TBC1D8: variants seen among roughly 807,000 people sequenced by gnomAD.
TBC1D8 encodes TBC1 domain family member 8.
Under a neutral mutation model 118.8 loss-of-function variants are expected in TBC1D8, and 65 were observed. The observed-to-expected ratio is 0.55, with a 90% confidence interval of 0.45 to 0.67. The LOEUF is 0.67. Ranked by LOEUF, TBC1D8 falls within the 30% of genes least tolerant of loss-of-function variation. The probability of loss-of-function intolerance (pLI) is 0.00; values close to 1 mark genes in which losing one functional copy is unlikely to be tolerated. For missense variants in TBC1D8, 1,376 were observed against 1,471.2 expected, an observed-to-expected ratio of 0.94 and a Z score of 1.06; for synonymous variants, 566 against 595.8, an observed-to-expected ratio of 0.95 and a Z score of 0.73.
intron 1 of TBC1D8, among the ~76,000 whole-genome samples, chr2:101,133,365 G>C (rs770538137): frequency 6.6e-6 from 1 of 152,066 alleles, no homozygotes; most frequent in African/African-American, 2.4e-5. Context: ...GTCTCTCTCT[G>C]AGATATTCGC....
At chr2:101,142,242 C>T (rs1679136259) in intron 1 of TBC1D8, among the ~76,000 whole-genome samples, 1 of 152,182 alleles carries the variant, frequency 6.6e-6, no homozygotes, top group African/African-American at 2.4e-5. Context: ...TGAAAATACA[C>T]ATAGCTATGA....
chr2:101,039,686 C>T (rs1253428249), intron 6 of TBC1D8, among the ~76,000 whole-genome samples: 1 of 152,094 alleles, frequency 6.6e-6, no homozygotes, highest in Admixed American at 6.6e-5. Context: ...GGGACCTGAT[C>T]CCTGTCAATG....
Position 101,029,829 on chromosome 2 carries a change from G to A in TBC1D8, c.1937-53C>T. On this transcript the variant is annotated intron_variant, in intron 11 of 19. Transcript: ENST00000409318. ...GCTGGGGTAGGACTCACTCTCTAAG[G>A]TCAGTCTGAAATTAAAATCACTCTG... 1.9e-6 allele frequency: 3 copies of A among 1,549,836 alleles called. No individual in the cohort carries two copies. In the East Asian group the frequency reaches 6.8e-5, roughly 35 times the overall value.
Position 101,044,436 on chromosome 2 carries a change from T to C in TBC1D8, c.873-4051A>G, listed in dbSNP as rs187798552. On this transcript the variant is annotated intron_variant, in intron 5 of 19. Coordinates refer to ENST00000409318, the MANE Select transcript of TBC1D8 (RefSeq NM_001330348.2). Reference sequence around the variant, plus strand: ...TCAAAGCAGATGTTAGTTTTGATGCTAAATATATCAACTCCTTTTACTGAA... The same window carrying C: ...TCAAAGCAGATGTTAGTTTTGATGCCAAATATATCAACTCCTTTTACTGAA... Among the ~76,000 whole-genome samples the C allele has an allele frequency of 5.9e-5, 9 of 152,328 alleles. No individual in the cohort carries two copies. The East Asian group carries it at 1.7e-3, about 29-fold the overall frequency.
chr2:101,086,141 CAAA>C (rs1294886220), intron 2 of TBC1D8, among the ~76,000 whole-genome samples: 1 of 112,992 alleles, frequency 8.9e-6, no homozygotes, highest in Admixed American at 9.4e-5. Context: ...GACTCTGTCT[CAAA>C]AAAAAAAAAA....
intron 1 of TBC1D8, among the ~76,000 whole-genome samples, chr2:101,136,728 C>CA (rs1304473708): frequency 6.6e-6 from 1 of 152,186 alleles, no homozygotes; most frequent in Non-Finnish European, 1.5e-5. Flanking sequence ...TCACTCCAGC[C>CA]AAACCCTTGC....
At chr2:101,130,551 A>G (rs955511955) in intron 1 of TBC1D8, among the ~76,000 whole-genome samples, 1 of 152,196 alleles carries the variant, frequency 6.6e-6, no homozygotes, top group Admixed American at 6.5e-5. Flanking sequence ...CCTTGACTAG[A>G]TATTTCCATT....
At chr2:101,038,323 C>T in intron 7 of TBC1D8, 138 bp downstream of exon 7, 2 of 1,030,440 alleles carry the variant, frequency 1.9e-6, no homozygotes, top group Non-Finnish European at 2.8e-6. Context: ...ACAGCCGGCA[C>T]ATCAGAAATG....
intron 2 of TBC1D8, among the ~76,000 whole-genome samples, chr2:101,077,938 C>A (rs1674954138): frequency 2.0e-5 from 3 of 152,162 alleles, no homozygotes; most frequent in African/African-American, 7.2e-5. Context: ...TCTTACAGAA[C>A]CTAAAATTGG....
intron 6 of TBC1D8, 26 bp from the exon 7 acceptor site, chr2:101,038,681 C>T: frequency 1.2e-6 from 2 of 1,611,342 alleles, no homozygotes; most frequent in Non-Finnish European, 1.7e-6. Flanking sequence ...CATGCAGGGA[C>T]AGAAGGGCGG....
chr2:101,143,634 A>T (rs1275329240), intron 1 of TBC1D8, among the ~76,000 whole-genome samples: 1 of 152,080 alleles, frequency 6.6e-6, no homozygotes, highest in African/African-American at 2.4e-5. Flanking sequence ...ATCACAGTTC[A>T]CTGCAGCCTC....
At chr2:101,027,314 G>A in intron 15 of TBC1D8, 69 bp downstream of exon 15, 3 of 1,430,262 alleles carry the variant, frequency 2.1e-6, no homozygotes, top group Non-Finnish European at 3.0e-6. Flanking sequence ...CTGTCCCCTG[G>A]GCAGGCTGGG....
chr2:101,079,079 C>G (rs1293187672), intron 2 of TBC1D8, among the ~76,000 whole-genome samples: 1 of 152,176 alleles, frequency 6.6e-6, no homozygotes, highest in Non-Finnish European at 1.5e-5. Flanking sequence ...GAGCTCCAGG[C>G]AGCACAAAGT....
At chr2:101,037,506 C>T in intron 8 of TBC1D8, 26 bp downstream of exon 8, 1 of 1,607,534 alleles carries the variant, frequency 6.2e-7, no homozygotes, top group Non-Finnish European at 8.5e-7. Context: ...CTTTGTGGTC[C>T]AGCTTGGGCA....
At chr2:101,075,377 T>A (rs1434992790) in intron 2 of TBC1D8, among the ~76,000 whole-genome samples, 4 of 118,536 alleles carry the variant, frequency 3.4e-5, no homozygotes, top group African/African-American at 1.4e-4. Flanking sequence ...GGCGACAGAG[T>A]GAGACTCCAT....
At chr2:101,035,018 TG>T (rs376316461) in intron 9 of TBC1D8, among the ~76,000 whole-genome samples, 11 of 149,350 alleles carry the variant, frequency 7.4e-5, no homozygotes, top group African/African-American at 2.5e-4. Context: ...GGTTGGGGGC[TG>T]GGGGGGAGAC....
chr2:101,037,610 C>G lies in TBC1D8; in HGVS notation c.1374G>C (p.Glu458Asp), dbSNP rs767840415. 2 of 1,613,888 alleles carry G rather than the reference C, an allele frequency of 1.2e-6. No homozygotes were observed. The highest frequency in any genetic ancestry group is 1.1e-5 in the South Asian group (1 of 91,078). The change falls in exon 8 of 20, where the codon GAG (glutamate) becomes GAC (aspartate). Residue 458 changes from glutamate (E) to aspartate (D), a missense_variant. Coordinates refer to ENST00000409318, the MANE Select transcript of TBC1D8 (RefSeq NM_001330348.2). The stretch of plus-strand genomic sequence containing the variant: ...CATCGGGGTGCATCAGCGGGCTCTT[C>G]TCTTTCTCACTCTCCTCGCTATTTT... ...SSQNSEESEK[E>D]KSPLMHPDAL...
intron 1 of TBC1D8, among the ~76,000 whole-genome samples, chr2:101,148,534 G>T (rs1257762322): frequency 6.6e-6 from 1 of 152,162 alleles, no homozygotes; most frequent in Admixed American, 6.5e-5. Flanking sequence ...GAGAGAGAGA[G>T]CATGTATATG....
At chr2:101,038,720 CAGA>C (rs758133326) in intron 6 of TBC1D8, 65 bp from the exon 7 acceptor site, 13 of 1,559,248 alleles carry the variant, frequency 8.3e-6, no homozygotes, top group African/African-American at 4.1e-5. Context: ...ATTACATATG[CAGA>C]AGATGTCCCG....
Sources: allele counts gnomAD v4.1 joint callset (sites outside exome capture counted in the v4.1 genomes callset), GRCh38; gene constraint gnomAD v4.1.1; transcripts MANE v1.5; gene names NCBI Gene and HGNC (gene_info 2026-07-23, HGNC 2026-07-21).